AKR1B1: variants seen among roughly 807,000 people sequenced by gnomAD.
AKR1B1 encodes aldo-keto reductase family 1 member B1.
In AKR1B1, 22 loss-of-function variants were observed where a neutral mutation model predicts 40.4. The observed-to-expected ratio is 0.54, with a 90% CI of 0.39 to 0.78. The LOEUF (loss-of-function observed/expected upper bound fraction) is 0.78. Ranked by LOEUF, AKR1B1 falls within the 30% of genes least tolerant of loss-of-function variation. The pLI is 0.00. For synonymous variants in AKR1B1, 157 were observed against 149.9 expected, an observed-to-expected ratio of 1.05 and a Z score of -0.35; for missense variants, 357 against 396.7, an observed-to-expected ratio of 0.90 and a Z score of 0.85.
intron 9 of AKR1B1, among the ~76,000 whole-genome samples, chr7:134,442,976 C>A (rs550151120): frequency 6.8e-4 from 103 of 152,332 alleles, no homozygotes; most frequent in Middle Eastern, 6.8e-3. Context: ...TGTCATCAAG[C>A]AGCACATGTG....
chr7:134,457,600 C>G (rs1806510981), intron 1 of AKR1B1, among the ~76,000 whole-genome samples: 1 of 152,156 alleles, frequency 6.6e-6, no homozygotes, highest in Admixed American at 6.5e-5. Context: ...TACATGTAAA[C>G]TCTTCTGTCC....
chr7:134,447,290 G>T lies in AKR1B1; in HGVS notation c.825+8C>A, dbSNP rs779922124. The T allele has an allele frequency of 6.2e-7, 1 of 1,613,550 alleles. No individual in the cohort carries two copies. The highest frequency in any genetic ancestry group is 1.3e-5 in the African/African-American group (1 of 75,048). On this transcript the variant is annotated splice_region_variant and intron_variant, in intron 8 of 9. Coordinates refer to ENST00000285930, the MANE Select transcript of AKR1B1 (RefSeq NM_001628.4). ...AGGAGGGCCAGGCCTGACCAGCCAA[G>T]ATCTTACCTTAAAGTTCTCAGCAAT...
intron 9 of AKR1B1, among the ~76,000 whole-genome samples, chr7:134,443,699 A>T (rs1421272007): frequency 6.6e-6 from 1 of 152,008 alleles, no homozygotes; most frequent in Non-Finnish European, 1.5e-5. Context: ...CACTGGACAG[A>T]TAGCTGGGCA....
At chr7:134,447,203 T>G (rs2259458) in intron 8 of AKR1B1, 95 bp downstream of exon 8, 797,267 of 1,116,356 alleles carry the variant, frequency 0.71, 287,064 homozygotes, top group East Asian at 0.92. Flanking sequence ...AGGATGGTGG[T>G]GATCCCACAG....
chr7:134,449,172 T>C, intron 4 of AKR1B1, 53 bp from the exon 5 acceptor site: 1 of 1,609,512 alleles, frequency 6.2e-7, no homozygotes, highest in Non-Finnish European at 8.5e-7. Flanking sequence ...AAGGACAGGA[T>C]CAGAAGTGTC....
intron 8 of AKR1B1, among the ~76,000 whole-genome samples, chr7:134,447,085 C>A (rs1487378033): frequency 6.6e-6 from 1 of 152,204 alleles, no homozygotes; most frequent in African/African-American, 2.4e-5. Context: ...TATGCGTGCA[C>A]AGCACGGGGC....
At chr7:134,458,970 CG>C in intron 1 of AKR1B1, 26 bp downstream of exon 1, 1 of 1,595,714 alleles carries the variant, frequency 6.3e-7, no homozygotes, top group Non-Finnish European at 8.5e-7. Flanking sequence ...AGGCGAGCCC[CG>C]GGCCCGCGCC....
At position 134,449,104 on chromosome 7, in the gene AKR1B1, C is replaced by G. The variant is rs1170869525; in HGVS notation, c.445G>C (p.Val149Leu). 1 of 1,613,826 alleles carries G rather than the reference C, an allele frequency of 6.2e-7. No individual in the cohort carries two copies. ...ATAGCTTTCACCAGCCCTTCATCCA[C>G]CAGCTCTTCCATGGCCTACAGAGAA... ...LDTWAAMEEL[V>L]DEGLVKAIGI... The change falls in exon 5 of 10, where the codon GTG becomes CTG. Residue 149 changes from valine to leucine, a missense_variant. Coordinates refer to ENST00000285930, the MANE Select transcript of AKR1B1 (RefSeq NM_001628.4).
intron 4 of AKR1B1, 145 bp from the exon 5 acceptor site, chr7:134,449,264 C>T (rs187287203): frequency 2.4e-4 from 300 of 1,224,710 alleles, no homozygotes; most frequent in Admixed American, 8.5e-4. Context: ...GACAGTGAGA[C>T]GAAAGCCAGG....
chr7:134,448,431 G>A lies in AKR1B1; in HGVS notation c.615C>T (p.Ile205=), dbSNP rs188664638. ...KLIQYCQSKG[I]VVTAYSPLGS... is the part of the protein sequence containing the mutation. ...CGAGGGGGCTGTAGGCGGTCACCAC[G>A]ATGCCTTTGGACTGGCAGTACTGGA... Residue 205 remains isoleucine, a synonymous_variant, in exon 6 of 10, where the codon ATC becomes ATT. Transcript: ENST00000285930. 4.7e-5 allele frequency: 76 copies of A among 1,613,972 alleles called. No individual in the cohort carries two copies. The highest frequency in any genetic ancestry group is 2.9e-4 in the East Asian group (13 of 44,878).
upstream of AKR1B1, chr7:134,459,228 C>A: frequency 1.2e-6 from 1 of 804,350 alleles, no homozygotes; most frequent in South Asian, 1.6e-5. Context: ...GCGGCCTTCC[C>A]CAAGGGTCGG....
In AKR1B1 at chr7:134,459,070, G is replaced by A. The variant is rs183196611; in HGVS notation, c.-8C>T. ...CAGGAGACGGCTTGCCATGGCTGCT[G>A]CGCTCCCCAGACCCCCGCCCAGTAC... On this transcript the variant is annotated 5_prime_UTR_variant, in exon 1 of 10. Transcript: ENST00000285930. 3.0e-4 allele frequency: 477 copies of A among 1,600,428 alleles called. 1 individual carries two copies. In the African/African-American group the frequency reaches 5.2e-3, roughly 17 times the overall value.
intron 2 of AKR1B1, 161 bp downstream of exon 2, chr7:134,451,425 G>C: frequency 1.2e-6 from 1 of 847,182 alleles, no homozygotes; most frequent in Non-Finnish European, 1.9e-6. Context: ...AAGGATGGGC[G>C]AGCTCTGGAG....
chr7:134,445,161 C>A (rs1806055899), intron 9 of AKR1B1, 77 bp downstream of exon 9: 3 of 1,287,894 alleles, frequency 2.3e-6, no homozygotes, highest in East Asian at 4.7e-5. Flanking sequence ...GGCGCTGAGG[C>A]CTGCAGGGAT....
At chr7:134,449,583 A>G in intron 4 of AKR1B1, 137 bp downstream of exon 4, 1 of 754,832 alleles carries the variant, frequency 1.3e-6, no homozygotes, top group Non-Finnish European at 2.2e-6. Flanking sequence ...GGAGACCCCA[A>G]CTCAAAAAAA....
upstream of AKR1B1, chr7:134,459,160 C>A (rs1806596744): frequency 1.2e-5 from 17 of 1,422,388 alleles, no homozygotes; most frequent in South Asian, 2.0e-4. Context: ...AGGGCGCCTG[C>A]GGTTGGCGCG....
intron 2 of AKR1B1, chr7:134,451,184 C>CG (rs1806276049): frequency 1.8e-6 from 1 of 555,630 alleles, no homozygotes. Context: ...ACTTTCCCCC[C>CG]GGGCTGGTGT....
At position 134,449,331 on chromosome 7, in the gene AKR1B1, A is replaced by T. The variant is rs182412200; in HGVS notation, c.430-212T>A. Reference sequence around the variant, plus strand: ...GCCGGGCGCGGTGGCTCACGCCTGTAATCCCAGCACTTTGGGAGGCTGAGG... The same window carrying T: ...GCCGGGCGCGGTGGCTCACGCCTGTTATCCCAGCACTTTGGGAGGCTGAGG... On this transcript the variant is annotated intron_variant, in intron 4 of 9. Transcript: ENST00000285930. 4,038 of 647,120 alleles carry T rather than the reference A, an allele frequency of 6.2e-3. 28 individuals carry two copies. The highest frequency in any genetic ancestry group is 8.0e-3 in the Non-Finnish European group (2,935 of 365,422). 40.1% of individuals were successfully genotyped at this position (647,120 alleles called of 1,614,324 possible). A position where few individuals can be genotyped will look rare whatever the true frequency, so the allele number is the denominator to read the frequency against.
rs1318806597 is a variant in AKR1B1 at position 134,451,146 on chromosome 7, G to GCC, written c.235-246_235-245dup. The GCC allele has an allele frequency of 6.7e-6, 4 of 596,568 alleles. No homozygotes were observed. In the East Asian group the frequency reaches 1.2e-4, roughly 17 times the overall value. The allele number at this position is 596,568 out of a possible 1,614,324, so 37.0% of individuals were successfully genotyped here. On this transcript the variant is annotated intron_variant, in intron 2 of 9. Transcript: ENST00000285930. Reference sequence around the variant, plus strand: ...ATGGAATGGACAGATTGGCTAGCCTGCCCTAGGCCTAAGCAAGAACTCTCG... The same window carrying GCC: ...ATGGAATGGACAGATTGGCTAGCCTGCCCCCTAGGCCTAAGCAAGAACTCTCG...
Sources: allele counts gnomAD v4.1 joint callset (sites outside exome capture counted in the v4.1 genomes callset), GRCh38; gene constraint gnomAD v4.1.1; transcripts MANE v1.5; gene names NCBI Gene and HGNC (gene_info 2026-07-23, HGNC 2026-07-21).